KCNN3: variants seen among roughly 807,000 people sequenced by gnomAD.
The protein encoded by KCNN3 is potassium calcium-activated channel subfamily N member 3.
Under a neutral mutation model 62.9 loss-of-function variants are expected in KCNN3, and 16 were observed. The ratio of observed to expected loss-of-function variants is 0.25; its 90% CI spans 0.17 to 0.39. The LOEUF (loss-of-function observed/expected upper bound fraction) is 0.39, where lower values mean the gene tolerates loss of function less well. Among genes scored for constraint, KCNN3 ranks in the 10% least tolerant of loss-of-function variants. The probability of loss-of-function intolerance (pLI) is 1.00; values close to 1 mark genes in which losing one functional copy is unlikely to be tolerated. For missense variants in KCNN3, 599 were observed against 949.4 expected (o/e 0.63, Z 4.85); for synonymous variants, 370 against 389.2 (o/e 0.95, Z 0.58).
At chr1:154,786,444 C>T (rs953683169) in intron 2 of KCNN3, among the ~76,000 whole-genome samples, 4 of 152,172 alleles carry the variant, frequency 2.6e-5, no homozygotes, top group South Asian at 2.1e-4. Flanking sequence ...GGTACTCATA[C>T]TGGGGAACAT....
At chr1:154,854,067 C>G (rs1652415331) in intron 1 of KCNN3, among the ~76,000 whole-genome samples, 1 of 151,850 alleles carries the variant, frequency 6.6e-6, no homozygotes, top group Non-Finnish European at 1.5e-5. Context: ...AACCCCGTCT[C>G]TACTAAAAAT....
intron 4 of KCNN3, among the ~76,000 whole-genome samples, chr1:154,731,384 G>C (rs1000309304): frequency 2.0e-5 from 3 of 152,252 alleles, no homozygotes; most frequent in African/African-American, 7.2e-5. Context: ...CGTAGGACCT[G>C]CCTGCTAATA....
chr1:154,751,905 C>A (rs1312417060), intron 3 of KCNN3, among the ~76,000 whole-genome samples: 1 of 152,130 alleles, frequency 6.6e-6, no homozygotes, highest in Non-Finnish European at 1.5e-5. Context: ...GGAGAAGCAT[C>A]GAGAGGGAAA....
chr1:154,809,269 A>C lies in KCNN3; in HGVS notation c.1029+12820T>G, dbSNP rs1172466346. ...ACCAGCAGCCACGCTTTCATTTCAC[A>C]GACTGTGAGTAACACGAGACCGGGT... On this transcript the variant is annotated intron_variant, in intron 2 of 7. Transcript: ENST00000271915. This position sits in a 1 kb window ranked among gnomAD's most constrained non-coding sequence, Gnocchi z 4.3. Among the ~76,000 whole-genome samples the C allele has an allele frequency of 2.0e-5, 3 of 152,222 alleles. No individual in the cohort carries two copies. The highest frequency in any genetic ancestry group is 1.5e-5 in the Non-Finnish European group (1 of 68,034).
At position 154,733,051 on chromosome 1, in the gene KCNN3, C is replaced by G; in HGVS notation, c.1542G>C (p.Val514=). 6.2e-7 allele frequency: 1 copy of G among 1,613,698 alleles called. No individual in the cohort carries two copies. The highest frequency in any genetic ancestry group is 8.5e-7 in the Non-Finnish European group (1 of 1,179,608). The part of the protein sequence containing the change: ...TFLSIGYGDM[V]PHTYCGKGVC... Reference sequence around the variant, plus strand: ...CACCTTTCCCACAGTATGTGTGGGGCACCATGTCCCCATAACCAATGGAAA... The same window carrying G: ...CACCTTTCCCACAGTATGTGTGGGGGACCATGTCCCCATAACCAATGGAAA... Residue 514 remains valine (V), a synonymous_variant, in exon 4 of 8, where the codon GTG becomes GTC. Transcript: ENST00000271915.
In KCNN3 at chr1:154,702,059, A is replaced by G. The variant is rs1173326958; in HGVS notation, c.*5917T>C. The G allele has an allele frequency of 6.6e-6, 1 of 152,172 alleles. No individual in the cohort carries two copies. Among genetic ancestry groups the G allele is most frequent in the Non-Finnish European group, 1.5e-5 (1 of 68,042 alleles). 9.4% of individuals were successfully genotyped at this position (152,172 alleles called of 1,614,324 possible). A position where few individuals can be genotyped will look rare whatever the true frequency, so the allele number is the denominator to read the frequency against. ...GATGGCTTTTAAAATCTCTTCTGAA[A>G]TGGCTTGATAGAATTTAGGGTAGAA... On this transcript the variant is annotated 3_prime_UTR_variant, in exon 8 of 8. Transcript: ENST00000271915.
At chr1:154,813,138 C>T (rs1650498285) in intron 2 of KCNN3, among the ~76,000 whole-genome samples, 1 of 151,744 alleles carries the variant, frequency 6.6e-6, no homozygotes, top group African/African-American at 2.4e-5. Context: ...GCCCTGGCCT[C>T]TCGTCCCATG....
intron 3 of KCNN3, among the ~76,000 whole-genome samples, chr1:154,766,904 A>T (rs1324382719): frequency 6.6e-6 from 1 of 151,880 alleles, no homozygotes; most frequent in African/African-American, 2.4e-5. Context: ...GATGGTCTCG[A>T]TCTCCTGACC....
At chr1:154,823,905 C>T (rs528321796) in intron 1 of KCNN3, among the ~76,000 whole-genome samples, 3 of 152,256 alleles carry the variant, frequency 2.0e-5, no homozygotes, top group African/African-American at 7.2e-5. Context: ...TCCATGCTCT[C>T]GGCCCCACTC....
At chr1:154,756,201 G>C (rs902843174) in intron 3 of KCNN3, among the ~76,000 whole-genome samples, 2 of 143,488 alleles carry the variant, frequency 1.4e-5, no homozygotes, top group African/African-American at 5.2e-5. Context: ...GAGGGGAGGA[G>C]GAGGGGTTGG....
chr1:154,734,445 T>C (rs1457730535), intron 3 of KCNN3, among the ~76,000 whole-genome samples: 1 of 152,182 alleles, frequency 6.6e-6, no homozygotes, highest in Non-Finnish European at 1.5e-5. Flanking sequence ...CGTGAGTTAA[T>C]GCACACAACG....
chr1:154,851,486 T>C (rs1652297806), intron 1 of KCNN3, among the ~76,000 whole-genome samples: 1 of 152,100 alleles, frequency 6.6e-6, no homozygotes, highest in Non-Finnish European at 1.5e-5. Context: ...AAACTCCCTG[T>C]CTTCCCCCAA....
rs533591706 is a variant in KCNN3 at position 154,852,416 on chromosome 1, A to G, written c.933+16616T>C. 4.4e-3 allele frequency among the ~76,000 whole-genome samples: 654 copies of G among 148,882 alleles called. 5 individuals carry two copies. Among genetic ancestry groups the G allele is most frequent in the African/African-American group, 0.015 (616 of 40,220 alleles). ...GAGAGATAGAGTCTCACTGTGTTAC[A>G]TTACCCAGGCTGGACTCGAACTCCT... On this transcript the variant is annotated intron_variant, in intron 1 of 7. Coordinates refer to ENST00000271915, the MANE Select transcript of KCNN3 (RefSeq NM_002249.6).
chr1:154,812,428 GC>G (rs1650449290), intron 2 of KCNN3, among the ~76,000 whole-genome samples: 2 of 151,656 alleles, frequency 1.3e-5, no homozygotes, highest in Admixed American at 1.3e-4. Context: ...CCCACAACAG[GC>G]CCCGGTGTGT....
rs146223717 is a variant in KCNN3, at chr1:154,865,249, G to A, written c.933+3783C>T. On this transcript the variant is annotated intron_variant, in intron 1 of 7. Coordinates refer to ENST00000271915, the MANE Select transcript of KCNN3 (RefSeq NM_002249.6). ...CCCCAGGTCCTTGCTGGTCTACCCAGGTGGCACCGATCAGTACAGATGATG... is the reference window on the plus strand; with the variant it reads ...CCCCAGGTCCTTGCTGGTCTACCCAAGTGGCACCGATCAGTACAGATGATG... Among the ~76,000 whole-genome samples the A allele has an allele frequency of 2.6e-5, 4 of 152,214 alleles. No homozygotes were observed. In the East Asian group the frequency reaches 7.7e-4, roughly 29 times the overall value.
intron 1 of KCNN3, among the ~76,000 whole-genome samples, chr1:154,850,828 T>A (rs1652270923): frequency 6.6e-6 from 1 of 152,242 alleles, no homozygotes; most frequent in African/African-American, 2.4e-5. Context: ...TGAGCATTTA[T>A]GACACATTTT....
intron 2 of KCNN3, among the ~76,000 whole-genome samples, chr1:154,802,867 C>A (rs952581066): frequency 1.2e-4 from 18 of 152,166 alleles, no homozygotes; most frequent in African/African-American, 4.1e-4. Flanking sequence ...CTGGCTGTCA[C>A]TGTTAGGCTC....
At chr1:154,748,307 T>C (rs1352051697) in intron 3 of KCNN3, among the ~76,000 whole-genome samples, 1 of 152,190 alleles carries the variant, frequency 6.6e-6, no homozygotes, top group Non-Finnish European at 1.5e-5. Flanking sequence ...GCAAGCTTTC[T>C]CTCTCCTGGT....
In KCNN3 at chr1:154,855,218, AAAATAAATAAAT is replaced by A. The variant is rs57512838; in HGVS notation, c.933+13802_933+13813del. ...GGGCTACAGAGTGAGACTCTGTCTC[AAAATAAATAAAT>A]AAATAAATAAATAAATAAAATTATA... On this transcript the variant is annotated intron_variant, in intron 1 of 7. Transcript: ENST00000271915. Among the ~76,000 whole-genome samples, 5 of 149,260 alleles carry A rather than the reference AAAATAAATAAAT, an allele frequency of 3.3e-5. No individual in the cohort carries two copies. In the South Asian group the frequency reaches 6.4e-4, roughly 19 times the overall value.
Sources: allele counts gnomAD v4.1 joint callset (sites outside exome capture counted in the v4.1 genomes callset), GRCh38; gene constraint gnomAD v4.1.1; non-coding constraint Gnocchi (gnomAD v3.1); transcripts MANE v1.5; gene names NCBI Gene and HGNC (gene_info 2026-07-23, HGNC 2026-07-21).